RHBDL2: variants seen among roughly 807,000 people sequenced by gnomAD.
RHBDL2 encodes the protein rhomboid like 2.
RHBDL2 carries 26 observed loss-of-function variants against 31.7 expected under a neutral mutation model. The observed-to-expected ratio is 0.82, with a 90% CI of 0.60 to 1.14. RHBDL2 has a LOEUF of 1.14. Among genes scored for constraint, RHBDL2 ranks in the 50% most tolerant of loss-of-function variants. The pLI, the probability that RHBDL2 is intolerant of heterozygous loss-of-function variation, is 0.00. For missense variants in RHBDL2, 336 were observed against 364.4 expected (o/e 0.92, Z 0.63); for synonymous variants, 123 against 127.2 (o/e 0.97, Z 0.22).
intron 4 of RHBDL2, among the ~76,000 whole-genome samples, chr1:38,901,484 GA>G (rs1642988741): frequency 1.4e-5 from 2 of 140,396 alleles, no homozygotes; most frequent in African/African-American, 5.3e-5. Context: ...AAGAAAGAAA[GA>G]AAGAAAGAAG....
At chr1:38,925,080 C>CGAA (rs1643360093) in intron 1 of RHBDL2, among the ~76,000 whole-genome samples, 1 of 151,694 alleles carries the variant, frequency 6.6e-6, no homozygotes, top group Non-Finnish European at 1.5e-5. Context: ...CATGCCCAGC[C>CGAA]GAAAAGAGAT....
intron 4 of RHBDL2, 79 bp downstream of exon 4, chr1:38,911,243 T>G (rs560361572): frequency 1.1e-6 from 1 of 916,104 alleles, no homozygotes; most frequent in African/African-American, 1.6e-5. Flanking sequence ...TAAAGAAGCC[T>G]ACTATAAGTG....
intron 4 of RHBDL2, among the ~76,000 whole-genome samples, chr1:38,905,230 G>A (rs1027523621): frequency 1.1e-4 from 17 of 150,882 alleles, no homozygotes; most frequent in South Asian, 6.3e-4. Flanking sequence ...ACCATGCCTG[G>A]CCTAATTTTC....
intron 1 of RHBDL2, among the ~76,000 whole-genome samples, chr1:38,939,799 C>T (rs1643544035): frequency 1.3e-5 from 2 of 152,152 alleles, no homozygotes; most frequent in South Asian, 4.1e-4. Flanking sequence ...ACCTTGGCCT[C>T]CTAAAGTGCT....
chr1:38,917,953 C>T (rs1643260995), intron 2 of RHBDL2, among the ~76,000 whole-genome samples: 2 of 152,100 alleles, frequency 1.3e-5, no homozygotes, highest in Admixed American at 1.3e-4. Context: ...GTGGGTGAGC[C>T]TTGTCTAATC....
intron 1 of RHBDL2, among the ~76,000 whole-genome samples, chr1:38,927,740 A>G (rs1045038292): frequency 2.0e-5 from 3 of 152,214 alleles, no homozygotes; most frequent in African/African-American, 4.8e-5. Context: ...TAAAATAATA[A>G]AGAGGTACTA....
chr1:38,925,492 G>T (rs1462936242), intron 1 of RHBDL2, among the ~76,000 whole-genome samples: 1 of 151,666 alleles, frequency 6.6e-6, no homozygotes, highest in Non-Finnish European at 1.5e-5. Context: ...ATTCCAGCCT[G>T]GGCGACAGAG....
intron 3 of RHBDL2, among the ~76,000 whole-genome samples, chr1:38,913,885 A>G (rs1643192154): frequency 6.6e-6 from 1 of 152,068 alleles, no homozygotes; most frequent in South Asian, 2.1e-4. Context: ...TTGGGAGGCC[A>G]AGGCAGGCGG....
intron 4 of RHBDL2, among the ~76,000 whole-genome samples, chr1:38,906,811 AATATAGAAAAT>A: frequency 6.6e-6 from 1 of 152,338 alleles, no homozygotes; most frequent in Admixed American, 6.5e-5. Flanking sequence ...TGAAACACTC[AATATAGAAAAT>A]ATATCAGTTC....
At chr1:38,922,166 TCTG>T (rs1643323907) in intron 1 of RHBDL2, among the ~76,000 whole-genome samples, 1 of 152,044 alleles carries the variant, frequency 6.6e-6, no homozygotes, top group South Asian at 2.1e-4. Flanking sequence ...TCACTGCATG[TCTG>T]CTTTCTGCCT....
intron 4 of RHBDL2, among the ~76,000 whole-genome samples, chr1:38,908,293 A>G (rs1362117254): frequency 6.6e-6 from 1 of 152,012 alleles, no homozygotes; most frequent in Non-Finnish European, 1.5e-5. Context: ...CAGGTGGATC[A>G]TCTGAGGTTA....
chr1:38,912,910 A>ATATATATGTGTGTGTG (rs1399583863), intron 3 of RHBDL2, among the ~76,000 whole-genome samples: 58 of 41,356 alleles, frequency 1.4e-3, no homozygotes, highest in African/African-American at 5.0e-3. Flanking sequence ...ATATATATAT[A>ATATATATGTGTGTGTG]TGTGTGTGTG....
intron 4 of RHBDL2, among the ~76,000 whole-genome samples, chr1:38,898,715 T>A (rs1413735846): frequency 6.6e-6 from 1 of 152,096 alleles, no homozygotes; most frequent in Non-Finnish European, 1.5e-5. Context: ...TCCAGATAGA[T>A]CTGGACTGCT....
At chr1:38,914,245 T>C (rs1169606128) in intron 3 of RHBDL2, among the ~76,000 whole-genome samples, 1 of 152,038 alleles carries the variant, frequency 6.6e-6, no homozygotes, top group Non-Finnish European at 1.5e-5. Context: ...ACTAAATTTA[T>C]TTTATTTTAT....
chr1:38,899,775 C>T (rs1448950596), intron 4 of RHBDL2, among the ~76,000 whole-genome samples: 1 of 152,212 alleles, frequency 6.6e-6, no homozygotes, highest in Non-Finnish European at 1.5e-5. Flanking sequence ...GTGTTCCTGG[C>T]TGACTCTGGC....
At chr1:38,930,045 C>A (rs958869453) in intron 1 of RHBDL2, among the ~76,000 whole-genome samples, 7 of 152,174 alleles carry the variant, frequency 4.6e-5, no homozygotes, top group Admixed American at 4.6e-4. Context: ...TTGACATCAG[C>A]AGTAAGGGCA....
intron 1 of RHBDL2, among the ~76,000 whole-genome samples, chr1:38,930,834 G>A (rs1643432251): frequency 1.3e-5 from 2 of 152,182 alleles, no homozygotes; most frequent in Admixed American, 6.5e-5. Context: ...TCACTGCTTC[G>A]TGTAGAATTT....
At chr1:38,889,519 G>A (rs1642829043) in intron 6 of RHBDL2, among the ~76,000 whole-genome samples, 1 of 152,124 alleles carries the variant, frequency 6.6e-6, no homozygotes, top group African/African-American at 2.4e-5. Context: ...GAAGGATGGT[G>A]GCATTTTATA....
At chr1:38,894,163 T>C (rs1642886933) in intron 5 of RHBDL2, among the ~76,000 whole-genome samples, 1 of 152,198 alleles carries the variant, frequency 6.6e-6, no homozygotes, top group Admixed American at 6.6e-5. Context: ...ACTGACTTTT[T>C]TTTTCTTGGG....
Sources: allele counts gnomAD v4.1 joint callset (sites outside exome capture counted in the v4.1 genomes callset), GRCh38; gene constraint gnomAD v4.1.1; transcripts MANE v1.5; gene names NCBI Gene and HGNC (gene_info 2026-07-23, HGNC 2026-07-21).